The following STS variants were observed in gnomAD, a reference collection of about 807,000 sequenced individuals.
STS encodes the protein steroid sulfatase.
A neutral mutation model predicts 26.8 loss-of-function variants in STS; 7 were observed. That is an observed-to-expected ratio of 0.26 (90% CI 0.15 to 0.49). The LOEUF is 0.49. STS is among the 20% of genes least tolerant of loss of function. The pLI, the probability that STS is intolerant of heterozygous loss-of-function variation, is 0.98. For missense variants in STS, 434 were observed against 465.6 expected (o/e 0.93, Z 0.63); for synonymous variants, 199 against 189.4 (o/e 1.05, Z -0.42).
chrX:7,215,356 G>A (rs1364364702), intron 2 of STS, among the ~76,000 whole-genome samples: 1 of 109,835 alleles, frequency 9.1e-6, no homozygotes, highest in African/African-American at 3.3e-5. Flanking sequence ...TCCATTCAAT[G>A]CTCCCCCTCT....
rs1924514483 is a variant in STS at position 7,275,987 on chromosome X, C to T, written c.843C>T (p.Tyr281=). 1 of 1,182,184 alleles carries T rather than the reference C, an allele frequency of 8.5e-7. No individual in the cohort carries two copies. The highest frequency in any genetic ancestry group is 1.8e-5 in the South Asian group (1 of 55,155). The change falls in exon 7 of 11, where the codon TAC becomes TAT. Residue 281 remains tyrosine, a synonymous_variant. Coordinates refer to ENST00000674429, the MANE Select transcript of STS (RefSeq NM_001320752.2). ...CTCCGTTCCTGCTTGTCTTGTCCTA[C>T]CTCCACGTGCACACAGCCCTGTTCT... ...TETPFLLVLS[Y]LHVHTALFSS...
At chrX:7,306,505 G>C (rs1454505842) in intron 8 of STS, among the ~76,000 whole-genome samples, 1 of 112,002 alleles carries the variant, frequency 8.9e-6, no homozygotes, top group African/African-American at 3.2e-5. Context: ...TGTGTGTCTT[G>C]CATTGGGCCA....
At chrX:7,330,037 G>C (rs1927672198) in intron 9 of STS, among the ~76,000 whole-genome samples, 1 of 111,468 alleles carries the variant, frequency 9.0e-6, no homozygotes, top group Admixed American at 9.6e-5. Context: ...ATGCACGTTA[G>C]TGATTCATTT....
chrX:7,215,252 T>G (rs1245368295), intron 2 of STS, among the ~76,000 whole-genome samples: 1 of 106,217 alleles, frequency 9.4e-6, no homozygotes, highest in Non-Finnish European at 1.9e-5. Flanking sequence ...TAAACATGAG[T>G]GTGCAAGTAT....
At chrX:7,241,331 G>T (rs139204412) in intron 2 of STS, among the ~76,000 whole-genome samples, 119 of 111,772 alleles carry the variant, frequency 1.1e-3, no homozygotes, top group African/African-American at 3.7e-3. Flanking sequence ...TCTCTAAATA[G>T]CTAGGTTTTT....
intron 7 of STS, among the ~76,000 whole-genome samples, chrX:7,300,353 G>T (rs1364506042): frequency 8.9e-6 from 1 of 111,926 alleles, no homozygotes; most frequent in Non-Finnish European, 1.9e-5. Flanking sequence ...ATATAAATCA[G>T]TGTCATTATA....
chrX:7,291,934 A>G (rs1415862074), intron 7 of STS, among the ~76,000 whole-genome samples: 1 of 112,412 alleles, frequency 8.9e-6, no homozygotes, highest in African/African-American at 3.2e-5. Flanking sequence ...TTGTCTGCCA[A>G]GTTTCATCAG....
intron 7 of STS, among the ~76,000 whole-genome samples, chrX:7,301,295 G>A (rs1254523219): frequency 1.8e-5 from 2 of 110,102 alleles, no homozygotes; most frequent in Admixed American, 1.9e-4. Context: ...AGGAGGCTGA[G>A]GTGGGAGGAT....
At chrX:7,340,065 A>AC (rs1428584868) in intron 10 of STS, among the ~76,000 whole-genome samples, 1 of 109,733 alleles carries the variant, frequency 9.1e-6, no homozygotes, top group Non-Finnish European at 1.9e-5. Context: ...ACAAAAAAAA[A>AC]AAAAAAAGCG....
intron 10 of STS, among the ~76,000 whole-genome samples, chrX:7,349,658 T>A: frequency 9.0e-6 from 1 of 111,404 alleles, no homozygotes; most frequent in Admixed American, 9.6e-5. Context: ...GAAAATAAAC[T>A]GTTAACTATG....
intron 2 of STS, among the ~76,000 whole-genome samples, chrX:7,245,086 C>T (rs1160771049): frequency 1.8e-5 from 2 of 111,779 alleles, no homozygotes; most frequent in Non-Finnish European, 3.8e-5. Flanking sequence ...CTATATGTTG[C>T]ACTCTTATGG....
At chrX:7,235,969 G>A (rs1185868875) in intron 2 of STS, among the ~76,000 whole-genome samples, 1 of 111,155 alleles carries the variant, frequency 9.0e-6, no homozygotes, top group Non-Finnish European at 1.9e-5. Context: ...TAACAAGAAT[G>A]TTTTTCTACA....
At chrX:7,284,982 G>A (rs939141014) in intron 7 of STS, among the ~76,000 whole-genome samples, 5 of 110,817 alleles carry the variant, frequency 4.5e-5, no homozygotes. Flanking sequence ...GGTCATGATA[G>A]TGATAATGTT....
chrX:7,187,095 G>C (rs1185440724), intron 1 of STS, among the ~76,000 whole-genome samples: 2 of 112,026 alleles, frequency 1.8e-5, no homozygotes, highest in Non-Finnish European at 3.8e-5. Flanking sequence ...TGCTAAGTGT[G>C]TCAGCCATCA....
chrX:7,237,512 G>A (rs1210560154), intron 2 of STS, among the ~76,000 whole-genome samples: 3 of 111,795 alleles, frequency 2.7e-5, no homozygotes, highest in African/African-American at 9.8e-5. Flanking sequence ...CATTTTGTAA[G>A]GTTAACAATA....
chrX:7,349,483 C>CT (rs2052140311), intron 10 of STS, among the ~76,000 whole-genome samples: 1 of 106,741 alleles, frequency 9.4e-6, no homozygotes, highest in African/African-American at 3.4e-5. Flanking sequence ...TTACAGGGAC[C>CT]TGCCACAACA....
intron 2 of STS, among the ~76,000 whole-genome samples, chrX:7,204,331 C>G (rs1228216359): frequency 1.8e-5 from 2 of 111,743 alleles, no homozygotes; most frequent in Non-Finnish European, 3.8e-5. Context: ...TGTGTTTAAA[C>G]TTTAATTTTC....
chrX:7,246,370 C>T (rs1401734384), intron 2 of STS, among the ~76,000 whole-genome samples: 2 of 109,256 alleles, frequency 1.8e-5, no homozygotes, highest in Non-Finnish European at 1.9e-5. Context: ...GGCGCGATCT[C>T]GGCTCACTGC....
At chrX:7,187,239 C>T (rs1933790110) in intron 1 of STS, among the ~76,000 whole-genome samples, 1 of 112,450 alleles carries the variant, frequency 8.9e-6, no homozygotes, top group African/African-American at 3.2e-5. Flanking sequence ...CTTCAAAATA[C>T]ACTTTTTCAC....
Sources: allele counts gnomAD v4.1 joint callset (sites outside exome capture counted in the v4.1 genomes callset), GRCh38; gene constraint gnomAD v4.1.1; transcripts MANE v1.5; gene names NCBI Gene and HGNC (gene_info 2026-07-23, HGNC 2026-07-21).